Variants in CACNA1C observed in about 807,000 individuals in gnomAD.
CACNA1C encodes the protein voltage-dependent L-type calcium channel subunit alpha-1C.
Under a neutral mutation model 229.0 loss-of-function variants are expected in CACNA1C, and 30 were observed. The observed-to-expected ratio is 0.13, with a 90% CI of 0.10 to 0.18. The LOEUF is 0.18. Among genes scored for constraint, CACNA1C ranks in the 10% least tolerant of loss-of-function variants. The pLI, the probability that CACNA1C is intolerant of heterozygous loss-of-function variation, is 1.00. For missense variants in CACNA1C, 1,658 were observed against 2,845.0 expected (o/e 0.58, Z 9.49); for synonymous variants, 1,114 against 1,132.5 (o/e 0.98, Z 0.33).
intron 9 of CACNA1C, among the ~76,000 whole-genome samples, chr12:2,522,894 C>T (rs1190522210): frequency 2.6e-5 from 4 of 152,086 alleles, no homozygotes; most frequent in Non-Finnish European, 5.9e-5. Flanking sequence ...GAAAAGTTAA[C>T]GTATTCACAT....
At chr12:2,524,938 A>G (rs1372871397) in intron 9 of CACNA1C, among the ~76,000 whole-genome samples, 1 of 152,216 alleles carries the variant, frequency 6.6e-6, no homozygotes, top group South Asian at 2.1e-4. Flanking sequence ...CGGCCAAAAG[A>G]TCGCAACCGG....
chr12:2,542,945 A>T (rs1277316376), intron 9 of CACNA1C, among the ~76,000 whole-genome samples: 22 of 152,204 alleles, frequency 1.4e-4, no homozygotes, highest in Non-Finnish European at 7.3e-5. Flanking sequence ...AAATGCAATG[A>T]TGTTAGCCAT....
At chr12:2,522,285 A>G (rs1287476962) in intron 9 of CACNA1C, among the ~76,000 whole-genome samples, 1 of 152,012 alleles carries the variant, frequency 6.6e-6, no homozygotes, top group African/African-American at 2.4e-5. Context: ...GTAACTTCTT[A>G]TTCACTCTCC....
intron 3 of CACNA1C, among the ~76,000 whole-genome samples, chr12:2,268,272 G>A (rs2154412843): frequency 6.6e-6 from 1 of 152,260 alleles, no homozygotes; most frequent in South Asian, 2.1e-4. Flanking sequence ...AGCCAGAGGG[G>A]TGTGACTTTG....
intron 3 of CACNA1C, among the ~76,000 whole-genome samples, chr12:2,256,944 A>G (rs532266236): frequency 6.6e-6 from 1 of 152,300 alleles, no homozygotes; most frequent in East Asian, 1.9e-4. Context: ...TCCTTTATCC[A>G]TTCTTCTATT....
chr12:2,062,123 T>C (rs2057726070), intron 1 of CACNA1C, among the ~76,000 whole-genome samples: 1 of 152,196 alleles, frequency 6.6e-6, no homozygotes, highest in Admixed American at 6.5e-5. Flanking sequence ...CTGTGATCTG[T>C]GGAGCCATAT....
chr12:2,469,881 G>T (rs2099581504), intron 5 of CACNA1C, among the ~76,000 whole-genome samples: 1 of 152,140 alleles, frequency 6.6e-6, no homozygotes. Flanking sequence ...GTCAACAAGA[G>T]CTTTCCTGAA....
intron 30 of CACNA1C, among the ~76,000 whole-genome samples, chr12:2,645,981 C>G (rs973929961): frequency 6.6e-6 from 1 of 152,322 alleles, no homozygotes; most frequent in African/African-American, 2.4e-5. Flanking sequence ...CGTCCTCATT[C>G]TTCCTCTTTC....
intron 3 of CACNA1C, among the ~76,000 whole-genome samples, chr12:2,440,476 T>C (rs1026419324): frequency 2.0e-5 from 3 of 151,852 alleles, no homozygotes; most frequent in Non-Finnish European, 4.4e-5. Flanking sequence ...CACATTTTGT[T>C]TATCCATTTC....
At chr12:2,162,423 T>C (rs142634991) in intron 3 of CACNA1C, among the ~76,000 whole-genome samples, 10 of 151,800 alleles carry the variant, frequency 6.6e-5, no homozygotes, top group African/African-American at 2.2e-4. Context: ...CAAGAGAAAG[T>C]TGGGGGAAAT....
chr12:2,268,593 T>C (rs1470026768), intron 3 of CACNA1C, among the ~76,000 whole-genome samples: 1 of 152,106 alleles, frequency 6.6e-6, no homozygotes, highest in Non-Finnish European at 1.5e-5. Context: ...GAGGGAACAG[T>C]TGGACCTGTG....
At chr12:2,309,609 T>C (rs1260903378) in intron 3 of CACNA1C, among the ~76,000 whole-genome samples, 5 of 152,242 alleles carry the variant, frequency 3.3e-5, no homozygotes, top group African/African-American at 9.6e-5. Context: ...TACAATTTTT[T>C]AATTTGTCAG....
At chr12:2,661,276 CACAT>C (rs760979724) in intron 34 of CACNA1C, among the ~76,000 whole-genome samples, 4,828 of 134,694 alleles carry the variant, frequency 0.036, 97 homozygotes, top group Non-Finnish European at 0.049. Context: ...CACATACACA[CACAT>C]ACACACACAC....
At chr12:2,514,767 A>G (rs2099792731) in intron 9 of CACNA1C, among the ~76,000 whole-genome samples, 1 of 152,204 alleles carries the variant, frequency 6.6e-6, no homozygotes, top group Non-Finnish European at 1.5e-5. Flanking sequence ...CACCGAGATA[A>G]CAGAACGTTG....
chr12:2,353,446 G>T (rs889334319), intron 3 of CACNA1C, among the ~76,000 whole-genome samples: 2 of 152,234 alleles, frequency 1.3e-5, no homozygotes. Context: ...AACAGGCGGC[G>T]CTGCCGCGCT....
chr12:2,267,939 T>TC (rs1480523471), intron 3 of CACNA1C, among the ~76,000 whole-genome samples: 2 of 152,240 alleles, frequency 1.3e-5, no homozygotes, highest in African/African-American at 4.8e-5. Context: ...CTGTTCAGGA[T>TC]CGATTGCACA....
intron 3 of CACNA1C, among the ~76,000 whole-genome samples, chr12:2,433,991 G>GA (rs1210096460): frequency 4.6e-5 from 7 of 152,112 alleles, no homozygotes; most frequent in Non-Finnish European, 1.0e-4. Flanking sequence ...TTTTATGTAA[G>GA]AAAAAAGTGA....
At chr12:2,333,977 C>A (rs2154516335) in intron 3 of CACNA1C, among the ~76,000 whole-genome samples, 1 of 152,262 alleles carries the variant, frequency 6.6e-6, no homozygotes, top group South Asian at 2.1e-4. Flanking sequence ...CCTCTTTATC[C>A]CTTCTTACTC....
chr12:2,662,833 A>T (rs1390630610), intron 34 of CACNA1C, among the ~76,000 whole-genome samples: 1 of 152,250 alleles, frequency 6.6e-6, no homozygotes, highest in Non-Finnish European at 1.5e-5. Context: ...AACAAGACCC[A>T]CACATCTACG....
Sources: allele counts gnomAD v4.1 joint callset (sites outside exome capture counted in the v4.1 genomes callset), GRCh38; gene constraint gnomAD v4.1.1; transcripts MANE v1.5; gene names NCBI Gene and HGNC (gene_info 2026-07-23, HGNC 2026-07-21).